Variants in NBAS observed in about 807,000 individuals in gnomAD.
NBAS encodes the protein NBAS subunit of NRZ tethering complex, also known as NAG/BC035112 fusion.
In NBAS, 219 loss-of-function variants were observed where a neutral mutation model predicts 302.5. The ratio of observed to expected loss-of-function variants is 0.72; its 90% CI spans 0.65 to 0.81. NBAS has a LOEUF of 0.81. NBAS is among the 30% of genes least tolerant of loss of function. NBAS has a pLI of 0.00. For synonymous variants in NBAS, 1,118 were observed against 1,021.6 expected, an observed-to-expected ratio of 1.09 and a Z score of -1.80; for missense variants, 2,932 against 2,841.6, an observed-to-expected ratio of 1.03 and a Z score of -0.72.
rs62119500 is a variant in NBAS at position 15,321,443 on chromosome 2, T to A, written c.4582+6307A>T. On this transcript the variant is annotated intron_variant, in intron 38 of 51. Coordinates refer to ENST00000281513, the MANE Select transcript of NBAS (RefSeq NM_015909.4). ...TTCTGCATGGCAAAAGAAACCACCA[T>A]TGGAGTGAACAGGCAACCTACAGAA... 5.8e-3 allele frequency among the ~76,000 whole-genome samples: 890 copies of A among 152,236 alleles called. 3 individuals are homozygous for A. Among genetic ancestry groups the A allele is most frequent in the Middle Eastern group, 0.01 (3 of 294 alleles).
the NBAS span, among the ~76,000 whole-genome samples, chr2:14,835,749 A>T: frequency 6.6e-6 from 1 of 151,906 alleles, no homozygotes; most frequent in Admixed American, 6.6e-5. Context: ...GAGTTGCTTC[A>T]AGTTTGGGGC....
chr2:14,876,854 T>C, the NBAS span, among the ~76,000 whole-genome samples: 1 of 152,220 alleles, frequency 6.6e-6, no homozygotes, highest in Non-Finnish European at 1.5e-5. Flanking sequence ...TCCTGATGTG[T>C]CCAGCCTGCT....
chr2:14,855,566 G>A, the NBAS span, among the ~76,000 whole-genome samples: 1 of 152,078 alleles, frequency 6.6e-6, no homozygotes, highest in African/African-American at 2.4e-5. Context: ...CCCAGGCTAG[G>A]CAGCATTCAT....
At chr2:15,477,268 A>ATT (rs34924368) in intron 13 of NBAS, among the ~76,000 whole-genome samples, 1 of 148,920 alleles carries the variant, frequency 6.7e-6, no homozygotes, top group African/African-American at 2.5e-5. Flanking sequence ...AACTAAAAGC[A>ATT]TTTTTTTTTT....
chr2:14,910,071 C>T, the NBAS span, among the ~76,000 whole-genome samples: 152 of 152,182 alleles, frequency 1.0e-3, no homozygotes, highest in African/African-American at 3.4e-3. Context: ...ATCAGTTTAG[C>T]GGGGAGAGTT....
chr2:15,386,899 T>C (rs1675325591), intron 28 of NBAS, among the ~76,000 whole-genome samples: 1 of 152,128 alleles, frequency 6.6e-6, no homozygotes, highest in South Asian at 2.1e-4. Context: ...ATAGCCTTTA[T>C]AAATATTCTC....
At chr2:14,884,153 C>G in the NBAS span, among the ~76,000 whole-genome samples, 613 of 152,094 alleles carry the variant, frequency 4.0e-3, 5 homozygotes, top group African/African-American at 0.014. Context: ...ACCAGGGATC[C>G]TTCTCATGAT....
the NBAS span, among the ~76,000 whole-genome samples, chr2:15,077,005 T>C: frequency 6.6e-6 from 1 of 152,346 alleles, no homozygotes; most frequent in East Asian, 1.9e-4. Flanking sequence ...CTATATGTTG[T>C]TTCAAGGCTT....
the NBAS span, among the ~76,000 whole-genome samples, chr2:14,941,811 C>T: frequency 6.6e-6 from 1 of 152,204 alleles, no homozygotes; most frequent in African/African-American, 2.4e-5. Context: ...TCATTTCCTT[C>T]CACATCCTTG....
At chr2:15,410,216 A>G (rs16862657) in intron 25 of NBAS, among the ~76,000 whole-genome samples, 4,337 of 152,294 alleles carry the variant, frequency 0.028, 166 homozygotes, top group African/African-American at 0.088. Context: ...TCTGCATGAC[A>G]AAGAATCTTT....
Position 15,276,889 on chromosome 2 carries a change from T to A in NBAS, c.5351A>T (p.His1784Leu), listed in dbSNP as rs1341085174. Residue 1784 changes from histidine to leucine, a missense_variant, in exon 43 of 52, where the codon CAC becomes CTC. By Grantham distance (99) the His-to-Leu change is moderately conservative (BLOSUM62 -3). Transcript: ENST00000281513. The stretch of plus-strand genomic sequence containing the variant: ...CTTAAACTTCTTCAGCAGTCGAATG[T>A]GGGTTTCTGGTTTAATGGCACAGTT... ...LGNCAIKPETHIRLLKKFKVV... is the reference protein window; with the variant it reads ...LGNCAIKPETLIRLLKKFKVV... 1 of 1,614,058 alleles carries A rather than the reference T, an allele frequency of 6.2e-7. No individual in the cohort carries two copies. The highest frequency in any genetic ancestry group is 1.7e-5 in the Admixed American group (1 of 60,012).
the NBAS span, among the ~76,000 whole-genome samples, chr2:15,104,434 T>C: frequency 2.0e-5 from 3 of 152,154 alleles, no homozygotes; most frequent in Non-Finnish European, 2.9e-5. Flanking sequence ...GCTCTGGAGA[T>C]ACAGAAAGAA....
intron 48 of NBAS, among the ~76,000 whole-genome samples, chr2:15,196,700 G>A (rs2125153391): frequency 6.6e-6 from 1 of 152,218 alleles, no homozygotes; most frequent in East Asian, 1.9e-4. Flanking sequence ...GCAGAAAAAT[G>A]GCTACATATA....
chr2:15,475,847 T>G lies in NBAS; in HGVS notation c.1181A>C (p.Asn394Thr), dbSNP rs143312358. 1.2e-6 allele frequency: 2 copies of G among 1,613,824 alleles called. No individual in the cohort carries two copies. The highest frequency in any genetic ancestry group is 1.7e-6 in the Non-Finnish European group (2 of 1,179,906). Residue 394 changes from asparagine to threonine, a missense_variant, in exon 14 of 52, where the codon AAT becomes ACT. By Grantham distance (65) the Asn-to-Thr change is moderately conservative. Transcript: ENST00000281513. ...KESFYPLIDV[N>T]WWADSAVTLA... ...AGTCACTGCACTGTCTGCCCACCAA[T>G]TGACATCTATCAGTGGGTAAAAGGA... is the stretch of plus-strand genomic sequence containing the variant.
intron 51 of NBAS, among the ~76,000 whole-genome samples, chr2:15,168,218 A>G (rs565879424): frequency 2.6e-5 from 4 of 152,240 alleles, no homozygotes; most frequent in Non-Finnish European, 5.9e-5. Flanking sequence ...AATAATTTGG[A>G]TTGTAGGACT....
chr2:14,913,181 G>A, the NBAS span, among the ~76,000 whole-genome samples: 340 of 152,260 alleles, frequency 2.2e-3, 4 homozygotes, highest in African/African-American at 7.1e-3. Context: ...GCTGCAATCC[G>A]CATTGGCATT....
At chr2:15,216,384 G>A (rs937037796) in intron 48 of NBAS, among the ~76,000 whole-genome samples, 1 of 152,116 alleles carries the variant, frequency 6.6e-6, no homozygotes, top group African/African-American at 2.4e-5. Context: ...CTAGGGGGCC[G>A]GAAAAAGTTT....
At chr2:15,234,775 A>T in intron 45 of NBAS, 28 bp from the exon 46 acceptor site, 3 of 1,601,594 alleles carry the variant, frequency 1.9e-6, no homozygotes, top group Non-Finnish European at 1.7e-6. Context: ...TCAGCACTTA[A>T]GTATCAAATA....
chr2:14,973,282 G>A, the NBAS span, among the ~76,000 whole-genome samples: 1 of 152,180 alleles, frequency 6.6e-6, no homozygotes, highest in Non-Finnish European at 1.5e-5. Flanking sequence ...TATAAACCCT[G>A]CTGTATCAGA....
Sources: gnomAD v4.1 joint callset for allele counts (sites outside exome capture counted in the v4.1 genomes callset) on GRCh38, gnomAD v4.1.1 for gene constraint, MANE v1.5 for transcripts, NCBI Gene and HGNC (gene_info 2026-07-23, HGNC 2026-07-21) for gene names.